SAMD12: variants seen among roughly 807,000 people sequenced by gnomAD.
The protein encoded by SAMD12 is sterile alpha motif domain-containing protein 12.
A neutral mutation model predicts 15.0 loss-of-function variants in SAMD12; 9 were observed. The ratio of observed to expected loss-of-function variants is 0.60; its 90% CI spans 0.36 to 1.05. SAMD12 has a LOEUF of 1.05. Among genes scored for constraint, SAMD12 ranks in the 50% least tolerant of loss-of-function variants. The pLI is 0.01. For missense variants in SAMD12, 230 were observed against 234.2 expected, an observed-to-expected ratio of 0.98 and a Z score of 0.12; for synonymous variants, 86 against 90.1, an observed-to-expected ratio of 0.96 and a Z score of 0.25.
chr8:118,507,689 C>T (rs895855495), intron 2 of SAMD12, among the ~76,000 whole-genome samples: 2 of 152,188 alleles, frequency 1.3e-5, no homozygotes, highest in African/African-American at 4.8e-5. Context: ...ACAACTGATC[C>T]TTGAGTCAAA....
chr8:118,513,571 A>ACT (rs1197656068), intron 2 of SAMD12, among the ~76,000 whole-genome samples: 1 of 152,216 alleles, frequency 6.6e-6, no homozygotes. Context: ...TTTAAAGCTG[A>ACT]CTCTTTCTGC....
the SAMD12 span, among the ~76,000 whole-genome samples, chr8:118,159,719 C>T: frequency 0.011 from 1,559 of 143,272 alleles, 35 homozygotes; most frequent in African/African-American, 0.035. Context: ...CTTTTTTTTT[C>T]TTTTTTTTTT....
intron 2 of SAMD12, among the ~76,000 whole-genome samples, chr8:118,476,819 C>G (rs904236396): frequency 6.6e-6 from 1 of 152,120 alleles, no homozygotes; most frequent in Admixed American, 6.5e-5. Flanking sequence ...GCCAAGTAAC[C>G]TTAATGCTCA....
the SAMD12 span, among the ~76,000 whole-genome samples, chr8:118,172,151 T>C: frequency 6.6e-6 from 1 of 152,178 alleles, no homozygotes; most frequent in Non-Finnish European, 1.5e-5. Context: ...ATATACCTAA[T>C]GTAAATGACG....
intron 4 of SAMD12, chr8:118,282,320 T>C: frequency 2.2e-6 from 1 of 456,286 alleles, no homozygotes; most frequent in South Asian, 1.5e-5. Flanking sequence ...GCCAAGGACA[T>C]GGGGCTCAAG....
At chr8:118,599,173 C>T (rs1827794444) in intron 1 of SAMD12, among the ~76,000 whole-genome samples, 1 of 152,186 alleles carries the variant, frequency 6.6e-6, no homozygotes, top group African/African-American at 2.4e-5. Context: ...ATTTTGAACT[C>T]AAAATGGATG....
At chr8:118,254,693 G>A (rs1183709615) in intron 4 of SAMD12, among the ~76,000 whole-genome samples, 6 of 151,968 alleles carry the variant, frequency 3.9e-5, no homozygotes, top group Middle Eastern at 3.4e-3. Context: ...CTAACACTCC[G>A]GGGCCCACTG....
intron 2 of SAMD12, among the ~76,000 whole-genome samples, chr8:118,516,854 G>A (rs1448214120): frequency 2.6e-5 from 4 of 152,034 alleles, no homozygotes; most frequent in African/African-American, 9.7e-5. Flanking sequence ...GCCCAGGCTG[G>A]TCTCGAACTC....
chr8:118,460,215 T>A (rs1208179884), intron 2 of SAMD12, among the ~76,000 whole-genome samples: 2 of 152,228 alleles, frequency 1.3e-5, no homozygotes, highest in African/African-American at 4.8e-5. Context: ...AACCACATAA[T>A]TGTCATGTCC....
intron 4 of SAMD12, among the ~76,000 whole-genome samples, chr8:118,198,852 G>C (rs1052657369): frequency 6.6e-6 from 1 of 152,026 alleles, no homozygotes; most frequent in Admixed American, 6.6e-5. Flanking sequence ...ATGCCTAAAT[G>C]TAGTAATTCC....
intron 4 of SAMD12, among the ~76,000 whole-genome samples, chr8:118,260,070 T>C (rs1245013763): frequency 6.6e-6 from 1 of 152,122 alleles, no homozygotes; most frequent in Non-Finnish European, 1.5e-5. Flanking sequence ...CTCAGGAAGC[T>C]GGCAGGTCAC....
At chr8:118,189,784 A>G (rs1420694181) in exon 5 of SAMD12, 1 of 152,124 alleles carries the variant, frequency 6.6e-6, no homozygotes, top group African/African-American at 2.4e-5. Flanking sequence ...GTGGTACACA[A>G]TAATTCTTAT....
At chr8:118,176,801 T>C in the SAMD12 span, among the ~76,000 whole-genome samples, 1 of 152,016 alleles carries the variant, frequency 6.6e-6, no homozygotes, top group Non-Finnish European at 1.5e-5. Flanking sequence ...CCCTTGAACC[T>C]AAAATTAAAA....
intron 2 of SAMD12, among the ~76,000 whole-genome samples, chr8:118,535,144 G>A (rs1825802382): frequency 6.6e-6 from 1 of 152,180 alleles, no homozygotes; most frequent in African/African-American, 2.4e-5. Flanking sequence ...TGTCCTTTCT[G>A]TTTGTTAGTT....
At chr8:118,150,642 T>G in the SAMD12 span, among the ~76,000 whole-genome samples, 1 of 152,218 alleles carries the variant, frequency 6.6e-6, no homozygotes, top group Admixed American at 6.5e-5. Context: ...GTGCTGAAAT[T>G]ATAGGCATGA....
chr8:118,161,490 A>G, the SAMD12 span, among the ~76,000 whole-genome samples: 1 of 150,762 alleles, frequency 6.6e-6, no homozygotes, highest in Admixed American at 6.6e-5. Context: ...TGAGCCCAGA[A>G]GTTCAAGGAT....
intron 2 of SAMD12, among the ~76,000 whole-genome samples, chr8:118,535,483 AGG>A (rs763152095): frequency 2.2e-4 from 34 of 152,232 alleles, no homozygotes; most frequent in Non-Finnish European, 4.1e-4. Flanking sequence ...GGTGTCAGAC[AGG>A]GATGTTTAAG....
At chr8:118,549,787 T>G (rs1306488455) in intron 2 of SAMD12, among the ~76,000 whole-genome samples, 3 of 152,042 alleles carry the variant, frequency 2.0e-5, no homozygotes, top group Non-Finnish European at 4.4e-5. Context: ...TGAAAAAAAT[T>G]TAGACGAATG....
At chr8:118,192,874 G>A (rs1405824618) in exon 5 of SAMD12, 1 of 152,122 alleles carries the variant, frequency 6.6e-6, no homozygotes, top group Non-Finnish European at 1.5e-5. Flanking sequence ...ATAATTGTAG[G>A]AGGAAAGCTC....
Sources: allele counts gnomAD v4.1 joint callset (sites outside exome capture counted in the v4.1 genomes callset), GRCh38; gene constraint gnomAD v4.1.1; transcripts MANE v1.5; gene names NCBI Gene and HGNC (gene_info 2026-07-23, HGNC 2026-07-21).